NRG1: variants seen among roughly 807,000 people sequenced by gnomAD.
NRG1 encodes neuregulin 1.
In NRG1, 18 loss-of-function variants were observed where a neutral mutation model predicts 63.8. The observed-to-expected ratio is 0.28, with a 90% CI of 0.19 to 0.42. The LOEUF (loss-of-function observed/expected upper bound fraction) is 0.42, where lower values mean the gene tolerates loss of function less well. Ranked by LOEUF, NRG1 falls within the 10% of genes least tolerant of loss-of-function variation. The probability of loss-of-function intolerance (pLI) is 1.00; values close to 1 mark genes in which losing one functional copy is unlikely to be tolerated. For synonymous variants in NRG1, 302 were observed against 301.3 expected, an observed-to-expected ratio of 1.00 and a Z score of -0.02; for missense variants, 762 against 814.7, an observed-to-expected ratio of 0.94 and a Z score of 0.79.
Position 32,463,874 on chromosome 8 carries a change from C to CTTTTTTTTTTTTT in NRG1, c.38-131927_38-131915dup, listed in dbSNP as rs756489856. Among the ~76,000 whole-genome samples, 78 of 42,348 alleles carry CTTTTTTTTTTTTT rather than the reference C, an allele frequency of 1.8e-3. 17 individuals carry two copies. The highest frequency in any genetic ancestry group is 2.5e-3 in the South Asian group (2 of 806). 27.8% of individuals were successfully genotyped at this position (42,348 alleles called of 152,430 possible). On this transcript the variant is annotated intron_variant, in intron 1 of 10. Transcript: ENST00000519301. ...ACACACACGAAAAAAACTTAGAATT[C>CTTTTTTTTTTTTT]TTTTTTTTTTTTTTTTTTTTTTTTT...
rs368149705 is a variant in NRG1, at chr8:32,671,984, C to T, written c.502+55099C>T. ...TTGTCATTTTTTTCTAAATTAACTA[C>T]ACCTCTGCTTGCCTGGAAACTAGAG... is the stretch of plus-strand genomic sequence containing the variant. On this transcript the variant is annotated intron_variant, in intron 5 of 11. Coordinates refer to ENST00000356819, the Ensembl canonical transcript of NRG1. Among the ~76,000 whole-genome samples the T allele has an allele frequency of 1.2e-4, 19 of 152,074 alleles. No individual in the cohort carries two copies. In the East Asian group the frequency reaches 1.5e-3, roughly 12 times the overall value.
chr8:32,093,792 G>A (rs1829522732), intron 1 of NRG1, among the ~76,000 whole-genome samples: 1 of 152,206 alleles, frequency 6.6e-6, no homozygotes, highest in African/African-American at 2.4e-5. Context: ...AGTTGACTTA[G>A]GATGTGGAGT....
intron 1 of NRG1, among the ~76,000 whole-genome samples, chr8:31,716,344 T>C (rs1812347158): frequency 6.6e-6 from 1 of 152,240 alleles, no homozygotes; most frequent in African/African-American, 2.4e-5. Context: ...ATAAATCACA[T>C]ATGTTGATAT....
chr8:32,561,886 G>A (rs1015372227), intron 1 of NRG1, among the ~76,000 whole-genome samples: 3 of 152,020 alleles, frequency 2.0e-5, no homozygotes, highest in Non-Finnish European at 4.4e-5. Context: ...GGGGGAATGA[G>A]ACCTGCAGTT....
chr8:32,496,461 G>A (rs982803624), intron 1 of NRG1, among the ~76,000 whole-genome samples: 4 of 152,100 alleles, frequency 2.6e-5, no homozygotes, highest in South Asian at 2.1e-4. Context: ...ATGGCGGTGC[G>A]TGCCTGTAGT....
At chr8:32,094,944 G>A (rs1356495964) in intron 1 of NRG1, among the ~76,000 whole-genome samples, 6 of 141,106 alleles carry the variant, frequency 4.3e-5, no homozygotes, top group East Asian at 2.1e-4. Flanking sequence ...ATGGGGTCTC[G>A]CTCTGTCGCC....
chr8:31,828,354 G>T (rs555546287), intron 1 of NRG1, among the ~76,000 whole-genome samples: 3 of 152,244 alleles, frequency 2.0e-5, no homozygotes, highest in East Asian at 3.9e-4. Context: ...TGTTTGATGA[G>T]AATTGACTGA....
At chr8:32,003,866 T>C (rs904374379) in intron 1 of NRG1, among the ~76,000 whole-genome samples, 2 of 151,836 alleles carry the variant, frequency 1.3e-5, no homozygotes, top group African/African-American at 4.8e-5. Flanking sequence ...TTATGGTGGA[T>C]ACATGAAGAT....
rs370053037 is a variant in NRG1, at chr8:32,580,314, A to C, written c.101-15514A>C. The stretch of plus-strand genomic sequence containing the variant: ...GGATTTAGGATCTTTGGGAGCCATT[A>C]TTCTGCCTGCTACAGGAATGAATTT... On this transcript the variant is annotated intron_variant, in intron 1 of 11. Coordinates refer to ENST00000356819, the Ensembl canonical transcript of NRG1. 1.7e-4 allele frequency among the ~76,000 whole-genome samples: 26 copies of C among 152,316 alleles called. No individual in the cohort carries two copies. The East Asian group carries it at 4.8e-3, about 28-fold the overall frequency.
intron 1 of NRG1, among the ~76,000 whole-genome samples, chr8:32,380,267 T>C (rs1322841973): frequency 6.6e-6 from 1 of 152,142 alleles, no homozygotes; most frequent in Non-Finnish European, 1.5e-5. Context: ...TTACAATCCT[T>C]TTCGGTTTTC....
intron 1 of NRG1, among the ~76,000 whole-genome samples, chr8:32,369,076 G>A (rs7817155): frequency 0.35 from 52,669 of 152,122 alleles, 9,471 homozygotes; most frequent in Non-Finnish European, 0.4. Context: ...TTTGGAAACC[G>A]TCAGGGTTGA....
intron 1 of NRG1, among the ~76,000 whole-genome samples, chr8:31,793,790 T>G (rs1054790310): frequency 6.6e-6 from 1 of 152,194 alleles, no homozygotes; most frequent in Non-Finnish European, 1.5e-5. Flanking sequence ...ATGATGATGC[T>G]TTTTCTATCC....
intron 1 of NRG1, among the ~76,000 whole-genome samples, chr8:32,103,052 T>G (rs1830773977): frequency 6.6e-6 from 1 of 152,168 alleles, no homozygotes; most frequent in East Asian, 1.9e-4. Context: ...ACAATTCAAT[T>G]ATGTTTTTTA....
intron 5 of NRG1, among the ~76,000 whole-genome samples, chr8:32,623,692 G>T (rs1848715796): frequency 1.3e-5 from 2 of 152,184 alleles, no homozygotes; most frequent in Admixed American, 1.3e-4. Context: ...ATAGGTGCAA[G>T]CAAGTTACTG....
At chr8:32,533,181 C>T (rs553662200) in intron 1 of NRG1, among the ~76,000 whole-genome samples, 8 of 151,860 alleles carry the variant, frequency 5.3e-5, no homozygotes, top group South Asian at 2.1e-4. Flanking sequence ...AGAAGAAATA[C>T]GCAATTTCCC....
intron 1 of NRG1, among the ~76,000 whole-genome samples, chr8:32,503,129 C>CA (rs61353704): frequency 0.4 from 59,150 of 149,096 alleles, 12,559 homozygotes; most frequent in East Asian, 0.77. Flanking sequence ...ACTAAAAATA[C>CA]AAAAAAAATT....
At chr8:31,696,674 G>T (rs377375238) in intron 1 of NRG1, among the ~76,000 whole-genome samples, 3 of 152,164 alleles carry the variant, frequency 2.0e-5, no homozygotes, top group Non-Finnish European at 2.9e-5. Context: ...GCAAACTTGT[G>T]TTCTTGTAGG....
intron 1 of NRG1, among the ~76,000 whole-genome samples, chr8:32,233,959 G>A (rs1847273964): frequency 1.3e-5 from 2 of 152,126 alleles, no homozygotes; most frequent in Admixed American, 6.5e-5. Context: ...ATTAAGGAAT[G>A]TCTGAAACAT....
intron 1 of NRG1, among the ~76,000 whole-genome samples, chr8:32,074,650 C>A (rs1362493045): frequency 3.9e-5 from 6 of 152,038 alleles, no homozygotes; most frequent in Admixed American, 3.9e-4. Flanking sequence ...TATTTCTCTT[C>A]TTTAGCCTGT....
Sources: allele counts gnomAD v4.1 joint callset (sites outside exome capture counted in the v4.1 genomes callset), GRCh38; gene constraint gnomAD v4.1.1; transcripts MANE v1.5; gene names NCBI Gene and HGNC (gene_info 2026-07-23, HGNC 2026-07-21).